RBM20: variants seen among roughly 807,000 people sequenced by gnomAD.
The protein encoded by RBM20 is RNA-binding protein 20.
In RBM20, 51 loss-of-function variants were observed where a neutral mutation model predicts 110.1. The observed-to-expected ratio is 0.46, with a 90% CI of 0.37 to 0.59. RBM20 has a LOEUF of 0.59. RBM20 is among the 20% of genes least tolerant of loss of function. The pLI is 0.00. For missense variants in RBM20, 1,512 were observed against 1,574.9 expected (o/e 0.96, Z 0.68); for synonymous variants, 589 against 618.2 (o/e 0.95, Z 0.70).
chr10:110,800,077 A>C (rs756855418), intron 7 of RBM20, among the ~76,000 whole-genome samples, 159 bp downstream of exon 7: 3 of 152,340 alleles, frequency 2.0e-5, no homozygotes, highest in East Asian at 3.9e-4. Context: ...CCATTGCAGC[A>C]TGGCAAGAAA....
At chr10:110,767,831 C>A (rs1250081357) in intron 1 of RBM20, among the ~76,000 whole-genome samples, 1 of 152,228 alleles carries the variant, frequency 6.6e-6, no homozygotes, top group Non-Finnish European at 1.5e-5. Context: ...CAGAGACGCT[C>A]CTCACTTTCC....
At chr10:110,687,814 T>G (rs1235001313) in intron 1 of RBM20, among the ~76,000 whole-genome samples, 2 of 152,224 alleles carry the variant, frequency 1.3e-5, no homozygotes, top group Non-Finnish European at 2.9e-5. Context: ...TCATTGCTGC[T>G]TTTTTAAAAA....
At chr10:110,685,150 T>A (rs1010076312) in intron 1 of RBM20, among the ~76,000 whole-genome samples, 16 of 152,244 alleles carry the variant, frequency 1.1e-4, no homozygotes, top group Admixed American at 6.5e-5. Context: ...GGATCAGCAC[T>A]TTCACACGCG....
At chr10:110,662,011 G>GAAAA (rs373054814) in intron 1 of RBM20, among the ~76,000 whole-genome samples, 48,274 of 146,286 alleles carry the variant, frequency 0.33, 8,169 homozygotes, top group Middle Eastern at 0.45. Context: ...ACTGGTCTCA[G>GAAAA]GAAAAAAAAA....
intron 1 of RBM20, among the ~76,000 whole-genome samples, chr10:110,703,004 T>TTTTTTTTTTTTTTTTTTG (rs1862782574): frequency 1.0e-5 from 1 of 99,626 alleles, no homozygotes; most frequent in African/African-American, 3.3e-5. Flanking sequence ...TTTTTTTTTG[T>TTTTTTTTTTTTTTTTTTG]TTTTTTTTTT....
At chr10:110,775,171 A>ATG (rs1844244883) in intron 1 of RBM20, among the ~76,000 whole-genome samples, 2 of 152,160 alleles carry the variant, frequency 1.3e-5, no homozygotes, top group Non-Finnish European at 2.9e-5. Context: ...TTATTTGGCC[A>ATG]CACCTTTATA....
intron 1 of RBM20, among the ~76,000 whole-genome samples, chr10:110,695,483 A>C (rs1403578553): frequency 6.6e-6 from 1 of 152,102 alleles, no homozygotes; most frequent in East Asian, 1.9e-4. Flanking sequence ...TCTTCTGGAG[A>C]CCCTTTGCTG....
intron 1 of RBM20, among the ~76,000 whole-genome samples, chr10:110,675,161 G>A (rs1393208852): frequency 6.6e-6 from 1 of 152,190 alleles, no homozygotes; most frequent in Non-Finnish European, 1.5e-5. Flanking sequence ...CCTTGAAGAA[G>A]TGAGCAAGTT....
At chr10:110,683,457 AGGTCAG>A (rs1361521350) in intron 1 of RBM20, among the ~76,000 whole-genome samples, 2 of 152,244 alleles carry the variant, frequency 1.3e-5, no homozygotes, top group Admixed American at 6.5e-5. Flanking sequence ...CGTAAATGCT[AGGTCAG>A]GTTTGCATTT....
At chr10:110,678,078 C>T (rs985480393) in intron 1 of RBM20, among the ~76,000 whole-genome samples, 3 of 151,330 alleles carry the variant, frequency 2.0e-5, no homozygotes, top group Non-Finnish European at 2.9e-5. Context: ...TAACATAAAC[C>T]AAAAAAATAG....
intron 7 of RBM20, among the ~76,000 whole-genome samples, chr10:110,808,650 A>T (rs753347035): frequency 2.6e-5 from 4 of 152,178 alleles, no homozygotes; most frequent in Non-Finnish European, 5.9e-5. Flanking sequence ...TCCATATGAC[A>T]AGAGGTGAGG....
chr10:110,737,479 A>T (rs529459665), intron 1 of RBM20, among the ~76,000 whole-genome samples: 5 of 152,208 alleles, frequency 3.3e-5, no homozygotes, highest in Admixed American at 6.5e-5. Context: ...TTACACAGTG[A>T]ACATATCCCT....
intron 1 of RBM20, among the ~76,000 whole-genome samples, chr10:110,734,239 G>A (rs759993050): frequency 5.9e-5 from 9 of 152,182 alleles, no homozygotes; most frequent in Non-Finnish European, 1.2e-4. Context: ...AAACTGATTC[G>A]TGCTTCCTTG....
chr10:110,663,211 G>GCCT (rs2134827225), intron 1 of RBM20, among the ~76,000 whole-genome samples: 1 of 152,198 alleles, frequency 6.6e-6, no homozygotes, highest in South Asian at 2.1e-4. Context: ...ACCTGCCTCA[G>GCCT]CCTCCCAAAG....
intron 1 of RBM20, among the ~76,000 whole-genome samples, chr10:110,745,706 G>A (rs756346947): frequency 2.6e-5 from 4 of 152,114 alleles, no homozygotes; most frequent in African/African-American, 4.8e-5. Flanking sequence ...GCCTACTCCA[G>A]GAGCTGTCAC....
At chr10:110,690,889 C>G (rs1862576989) in intron 1 of RBM20, among the ~76,000 whole-genome samples, 1 of 152,176 alleles carries the variant, frequency 6.6e-6, no homozygotes, top group Admixed American at 6.5e-5. Flanking sequence ...TGAGTCCTTG[C>G]TGGACTTGAA....
chr10:110,812,741 T>C lies in RBM20; in HGVS notation c.2344T>C (p.Ser782Pro). Residue 782 changes from serine (S) to proline (P), a missense_variant, in exon 9 of 14, where the codon TCC becomes CCC. Physicochemically the swap from Ser to Pro is moderately conservative, Grantham distance 74. This residue lies in a region of RBM20 where 1,149 missense variants were observed against 1,169.4 expected (regional missense o/e 0.98). Transcript: ENST00000369519. Reference sequence around the variant, plus strand: ...GCAGCAGCAGGATGCCCCCGGGAGGTCCAGGAGGAAAGACGAGGCCAGGCT... The same window carrying C: ...GCAGCAGCAGGATGCCCCCGGGAGGCCCAGGAGGAAAGACGAGGCCAGGCT... ...LKQQQDAPGRSRRKDEARLRE... is the reference protein window; with the variant it reads ...LKQQQDAPGRPRRKDEARLRE... 1.9e-6 allele frequency: 3 copies of C among 1,550,644 alleles called. No homozygotes were observed. Among genetic ancestry groups the C allele is most frequent in the Non-Finnish European group, 1.7e-6 (2 of 1,146,742 alleles).
At chr10:110,758,588 A>T (rs1843952356) in intron 1 of RBM20, among the ~76,000 whole-genome samples, 1 of 151,902 alleles carries the variant, frequency 6.6e-6, no homozygotes, top group South Asian at 2.1e-4. Context: ...TGAGTTTGAG[A>T]CTCAGTCACA....
In RBM20 at chr10:110,827,329, A is replaced by T. The variant is rs1316035485; in HGVS notation, c.3451+3715A>T. ...CTGGGAGGAGATCCAGGCTGCAGTG[A>T]GCCATTATTGTGCCACTGCACTCCA... On this transcript the variant is annotated intron_variant, in intron 12 of 13. Transcript: ENST00000369519. Among the ~76,000 whole-genome samples, 4 of 152,040 alleles carry T rather than the reference A, an allele frequency of 2.6e-5. 1 individual carries two copies. In the East Asian group the frequency reaches 7.7e-4, roughly 29 times the overall value.
Sources: allele counts gnomAD v4.1 joint callset (sites outside exome capture counted in the v4.1 genomes callset), GRCh38; gene constraint gnomAD v4.1.1; regional missense constraint gnomAD v4.1.1; transcripts MANE v1.5; gene names NCBI Gene and HGNC (gene_info 2026-07-23, HGNC 2026-07-21).